Variants in PRKN observed in about 807,000 individuals in gnomAD.
PRKN encodes the protein parkin RBR E3 ubiquitin protein ligase, also known as E3 ubiquitin-protein ligase parkin.
A neutral mutation model predicts 59.5 loss-of-function variants in PRKN; 56 were observed. That is an observed-to-expected ratio of 0.94 (90% CI 0.76 to 1.18). The LOEUF (loss-of-function observed/expected upper bound fraction) is 1.18. Ranked by LOEUF, PRKN falls within the 50% of genes most tolerant of loss-of-function variation. The probability of loss-of-function intolerance (pLI) is 0.00; values close to 1 mark genes in which losing one functional copy is unlikely to be tolerated. For missense variants in PRKN, 657 were observed against 596.4 expected (o/e 1.10, Z -1.06); for synonymous variants, 250 against 222.1 (o/e 1.13, Z -1.12).
At chr6:161,868,955 T>C (rs1056957610) in intron 6 of PRKN, among the ~76,000 whole-genome samples, 7 of 152,210 alleles carry the variant, frequency 4.6e-5, no homozygotes, top group Admixed American at 6.5e-5. Flanking sequence ...AAAATTGTTA[T>C]GGTCCAGCAC....
intron 6 of PRKN, among the ~76,000 whole-genome samples, chr6:161,835,391 C>T (rs1481353563): frequency 1.3e-5 from 2 of 152,108 alleles, no homozygotes. Context: ...AACGTGCTTA[C>T]CCCACTCTTC....
intron 1 of PRKN, chr6:162,694,971 C>G (rs747999441): frequency 1.3e-5 from 2 of 152,158 alleles, no homozygotes; most frequent in African/African-American, 4.8e-5. Flanking sequence ...TGTCAGTATG[C>G]TTTTCATCTC....
intron 6 of PRKN, among the ~76,000 whole-genome samples, chr6:161,853,359 C>T (rs901561204): frequency 6.6e-5 from 10 of 152,074 alleles, no homozygotes; most frequent in East Asian, 1.9e-4. Context: ...TGGACTAGTG[C>T]GGCTACAGTT....
At chr6:162,326,014 G>A (rs560892459) in intron 2 of PRKN, among the ~76,000 whole-genome samples, 1 of 152,154 alleles carries the variant, frequency 6.6e-6, no homozygotes, top group South Asian at 2.1e-4. Context: ...GCAAATCAGA[G>A]GCCGCTCATA....
At chr6:161,679,680 C>CA (rs1312946541) in intron 7 of PRKN, among the ~76,000 whole-genome samples, 1 of 138,966 alleles carries the variant, frequency 7.2e-6, no homozygotes, top group Non-Finnish European at 1.6e-5. Flanking sequence ...AACCACCCCC[C>CA]CCCCTTTTTT....
chr6:161,706,665 C>T (rs1461613605), intron 7 of PRKN, among the ~76,000 whole-genome samples: 2 of 151,488 alleles, frequency 1.3e-5, no homozygotes, highest in Non-Finnish European at 2.9e-5. Flanking sequence ...TGAAGCAATT[C>T]TCCTGTCTCA....
At chr6:162,705,052 T>C (rs1161035713) in intron 1 of PRKN, among the ~76,000 whole-genome samples, 1 of 152,188 alleles carries the variant, frequency 6.6e-6, no homozygotes, top group Non-Finnish European at 1.5e-5. Flanking sequence ...AAAATTGCTA[T>C]CCTTAGCTCA....
intron 1 of PRKN, among the ~76,000 whole-genome samples, chr6:162,504,477 T>C (rs61142875): frequency 0.31 from 46,716 of 151,862 alleles, 7,759 homozygotes; most frequent in Middle Eastern, 0.39. Flanking sequence ...AGGGAACAGA[T>C]AATAGATCAA....
intron 2 of PRKN, among the ~76,000 whole-genome samples, chr6:162,374,454 G>C (rs1344529511): frequency 7.3e-5 from 11 of 151,328 alleles, no homozygotes; most frequent in African/African-American, 2.7e-4. Context: ...CTTTAGTTTG[G>C]TTTGGTCTGG....
At chr6:161,653,065 T>C (rs1784206964) in intron 7 of PRKN, among the ~76,000 whole-genome samples, 1 of 152,216 alleles carries the variant, frequency 6.6e-6, no homozygotes, top group Non-Finnish European at 1.5e-5. Context: ...AAGTATGTGC[T>C]ACATAAGATA....
chr6:162,172,640 T>C (rs138536234), intron 4 of PRKN, among the ~76,000 whole-genome samples: 1 of 152,334 alleles, frequency 6.6e-6, no homozygotes, highest in African/African-American at 2.4e-5. Context: ...CAGAGACCAA[T>C]GCCTGGGACA....
At chr6:162,689,293 C>T (rs1731638997) in intron 1 of PRKN, among the ~76,000 whole-genome samples, 2 of 151,940 alleles carry the variant, frequency 1.3e-5, no homozygotes, top group Non-Finnish European at 2.9e-5. Flanking sequence ...AAACAATGCA[C>T]AAGTCAAAGA....
At chr6:161,536,174 A>G (rs1000658210) in intron 9 of PRKN, among the ~76,000 whole-genome samples, 1 of 152,160 alleles carries the variant, frequency 6.6e-6, no homozygotes, top group Non-Finnish European at 1.5e-5. Context: ...TGATTGGAGA[A>G]ACAGAAAGCC....
At chr6:162,337,355 A>C (rs1367974827) in intron 2 of PRKN, among the ~76,000 whole-genome samples, 2 of 152,254 alleles carry the variant, frequency 1.3e-5, no homozygotes, top group African/African-American at 4.8e-5. Flanking sequence ...AAATATTTAA[A>C]AAGTTTCACC....
intron 1 of PRKN, among the ~76,000 whole-genome samples, chr6:162,711,467 T>C (rs1270761319): frequency 6.7e-6 from 1 of 148,748 alleles, no homozygotes; most frequent in Non-Finnish European, 1.5e-5. Flanking sequence ...TGGCTGGCCC[T>C]GAACTATTCC....
chr6:161,387,455 T>A (rs1174712867), intron 9 of PRKN, among the ~76,000 whole-genome samples: 1 of 152,244 alleles, frequency 6.6e-6, no homozygotes, highest in African/African-American at 2.4e-5. Context: ...TGTGAATCAA[T>A]TGAACCTCTT....
intron 6 of PRKN, among the ~76,000 whole-genome samples, chr6:161,906,685 AGTT>A (rs1554246350): frequency 5.2e-5 from 5 of 96,638 alleles, no homozygotes; most frequent in Non-Finnish European, 1.1e-4. Flanking sequence ...TGTATATATG[AGTT>A]TATTTAGTAG....
At chr6:161,783,695 AATTGTCAC>A in intron 7 of PRKN, 1 of 508,906 alleles carries the variant, frequency 2.0e-6, no homozygotes, top group Non-Finnish European at 3.9e-6. Context: ...ACCAAAACAA[AATTGTCAC>A]ATTAAAAGCA....
intron 7 of PRKN, among the ~76,000 whole-genome samples, chr6:161,732,354 C>A (rs1787751783): frequency 6.6e-6 from 1 of 151,994 alleles, no homozygotes; most frequent in South Asian, 2.1e-4. Context: ...CCTAAACTAA[C>A]AGGTACTTTT....
Sources: gnomAD v4.1 joint callset for allele counts (sites outside exome capture counted in the v4.1 genomes callset) on GRCh38, gnomAD v4.1.1 for gene constraint, MANE v1.5 for transcripts, NCBI Gene and HGNC (gene_info 2026-07-23, HGNC 2026-07-21) for gene names.